The following SLC17A7 variants were observed in gnomAD, a reference collection of about 807,000 sequenced individuals.
The protein encoded by SLC17A7 is vesicular glutamate transporter 1.
SLC17A7 carries 15 observed loss-of-function variants against 59.1 expected under a neutral mutation model. The observed-to-expected ratio is 0.25, with a 90% CI of 0.17 to 0.39. The LOEUF is 0.39. Ranked by LOEUF, SLC17A7 falls within the 10% of genes least tolerant of loss-of-function variation. The probability of loss-of-function intolerance (pLI) is 1.00; values close to 1 mark genes in which losing one functional copy is unlikely to be tolerated. For synonymous variants in SLC17A7, 353 were observed against 308.9 expected (o/e 1.14, Z -1.50); for missense variants, 499 against 765.1 (o/e 0.65, Z 4.10).
chr19:49,434,185 T>G, intron 5 of SLC17A7, 139 bp from the exon 6 acceptor site: 1 of 611,518 alleles, frequency 1.6e-6, no homozygotes, highest in African/African-American at 2.1e-5. Flanking sequence ...AATCCAGGCC[T>G]AGCCCCTCCT....
At chr19:49,437,015 C>G (rs1052443513) in intron 1 of SLC17A7, 3 of 654,450 alleles carry the variant, frequency 4.6e-6, no homozygotes, top group Non-Finnish European at 7.7e-6. Flanking sequence ...CCCCCAGCCC[C>G]CTCCTTCTTC....
Position 49,433,130 on chromosome 19 carries a change from G to A in SLC17A7, c.868-170C>T. 3 of 687,668 alleles carry A rather than the reference G, an allele frequency of 4.4e-6. No individual in the cohort carries two copies. Among genetic ancestry groups the A allele is most frequent in the Non-Finnish European group, 7.3e-6 (3 of 411,302 alleles). The allele number at this position is 687,668 out of a possible 1,614,324, so 42.6% of individuals were successfully genotyped here. A position where few individuals can be genotyped will look rare whatever the true frequency, so the allele number is the denominator to read the frequency against. ...CACCATGTTGCCGTGGGGACCCAGG[G>A]ATCCTAGCCTCAAGGTGACACTTGA... On this transcript the variant is annotated intron_variant, in intron 7 of 11. Transcript: ENST00000221485. This position sits in a 1 kb window ranked among gnomAD's most constrained non-coding sequence, Gnocchi z 5.7.
Position 49,431,782 on chromosome 19 carries a change from GTTTTT to G in SLC17A7, c.1151-339_1151-335del, listed in dbSNP as rs70954427. 4.6e-4 allele frequency among the ~76,000 whole-genome samples: 68 copies of G among 148,716 alleles called. 1 individual carries two copies. Among genetic ancestry groups the G allele is most frequent in the South Asian group, 8.5e-4 (4 of 4,718 alleles). On this transcript the variant is annotated intron_variant, in intron 9 of 11. Coordinates refer to ENST00000221485, the MANE Select transcript of SLC17A7 (RefSeq NM_020309.4). This position sits in a 1 kb window ranked among gnomAD's most constrained non-coding sequence, Gnocchi z 4.6. ...CTCAATCCCCACTCATGAGTTTTTG[GTTTTT>G]TTTTTTTTTAATTTTTGATTTTTTA...
chr19:49,430,986 G>A (rs371139022), intron 11 of SLC17A7, 29 bp downstream of exon 11: 15 of 1,589,778 alleles, frequency 9.4e-6, no homozygotes, highest in Admixed American at 1.7e-5. Context: ...ACACTTGGAG[G>A]CAGACTGAGT....
At position 49,436,407 on chromosome 19, in the gene SLC17A7, C is replaced by T; in HGVS notation, c.315+142G>A. 1 of 1,138,154 alleles carries T rather than the reference C, an allele frequency of 8.8e-7. No individual in the cohort carries two copies. Among genetic ancestry groups the T allele is most frequent in the South Asian group, 1.5e-5 (1 of 67,668 alleles). 70.5% of individuals were successfully genotyped at this position (1,138,154 alleles called of 1,614,324 possible). A position where few individuals can be genotyped will look rare whatever the true frequency, so the allele number is the denominator to read the frequency against. ...AAGGCGAGGTCAGAACTAAGGGGCG[C>T]ACGGATTGGGCGGAGCTATTCCGAC... is the stretch of plus-strand genomic sequence containing the variant. On this transcript the variant is annotated intron_variant, in intron 2 of 11. Transcript: ENST00000221485. This position sits in a 1 kb window ranked among gnomAD's most constrained non-coding sequence, Gnocchi z 4.1.
chr19:49,437,714 GC>G (rs1640477202), intron 1 of SLC17A7: 2 of 150,734 alleles, frequency 1.3e-5, no homozygotes, highest in South Asian at 2.1e-4. Flanking sequence ...TAACAAGGGA[GC>G]AGAGACCCAG....
rs774731267 is a variant in SLC17A7, at chr19:49,434,613, G to A, written c.626C>T (p.Thr209Ile). The A allele has an allele frequency of 1.3e-5, 21 of 1,601,930 alleles. No homozygotes were observed. In the East Asian group the frequency reaches 4.7e-4, roughly 36 times the overall value. The change falls in exon 5 of 12, where the codon ACA becomes ATA. Residue 209 changes from threonine to isoleucine, a missense_variant. By Grantham distance (89) the Thr-to-Ile change is moderately conservative. Coordinates refer to ENST00000221485, the MANE Select transcript of SLC17A7 (RefSeq NM_020309.4). ...PPLERSRLAT[T>I]AFCGSYAGAV... ...CCTCTTCCTCTCACCACAAAAGGCTGTCGTCGCCAGGCGACTCCGTTCTAA... is the reference window on the plus strand; with the variant it reads ...CCTCTTCCTCTCACCACAAAAGGCTATCGTCGCCAGGCGACTCCGTTCTAA...
rs1454368283 is a variant in SLC17A7 at position 49,436,692 on chromosome 19, C to T, written c.172G>A (p.Gly58Ser). Reference protein sequence around the residue: ...DPPVVDCTCFGLPRRYIIAIM... With the variant: ...DPPVVDCTCFSLPRRYIIAIM... ...GCGATAATGTAGCGGCGAGGGAGGC[C>T]GAAGCAGGTGCAGTCCACCACCGGC... Residue 58 changes from glycine to serine, a missense_variant, in exon 2 of 12, where the codon GGC (glycine) becomes AGC (serine). By Grantham distance (56) the Gly-to-Ser change is moderately conservative. Around this residue, in one of 3 missense-constraint regions of SLC17A7, gnomAD observed 78 missense variants for 80.4 expected, o/e 0.97. Transcript: ENST00000221485. The surrounding 1 kb of genome is among the most constrained non-coding windows in gnomAD (Gnocchi z 4.1). 1 of 1,613,748 alleles carries T rather than the reference C, an allele frequency of 6.2e-7. No homozygotes were observed. Among genetic ancestry groups the T allele is most frequent in the Non-Finnish European group, 8.5e-7 (1 of 1,179,960 alleles).
intron 1 of SLC17A7, among the ~76,000 whole-genome samples, chr19:49,440,892 G>A (rs2078997526): frequency 6.6e-6 from 1 of 151,982 alleles, no homozygotes; most frequent in African/African-American, 2.4e-5. Context: ...AGAGAGAGGG[G>A]CACAGAGACG....
At chr19:49,438,573 G>C (rs867452643) in intron 1 of SLC17A7, among the ~76,000 whole-genome samples, 12 of 152,100 alleles carry the variant, frequency 7.9e-5, no homozygotes, top group Middle Eastern at 3.4e-3. Flanking sequence ...GGTGGGGAGG[G>C]GCAGTTAAGA....
intron 1 of SLC17A7, chr19:49,437,435 C>G (rs2078983920): frequency 6.5e-6 from 1 of 154,460 alleles, no homozygotes; most frequent in Admixed American, 6.3e-5. Flanking sequence ...GTGACTCTCG[C>G]CCCCGCCCGT....
At position 49,434,978 on chromosome 19, in the gene SLC17A7, G is replaced by C. The variant is rs900689591; in HGVS notation, c.435-96C>G. ...CAGCAAGCTAGGCCCAGTGGTCCCC[G>C]GGACCCCAGGTCCCACCACCTCTCT... On this transcript the variant is annotated intron_variant, in intron 3 of 11. Transcript: ENST00000221485. The C allele has an allele frequency of 2.4e-6, 3 of 1,241,846 alleles. No individual in the cohort carries two copies. In the East Asian group the frequency reaches 7.0e-5, roughly 29 times the overall value. The allele number at this position is 1,241,846 out of a possible 1,614,324, so 76.9% of individuals were successfully genotyped here.
intron 1 of SLC17A7, chr19:49,437,861 C>T (rs1293083165): frequency 8.0e-6 from 1 of 125,728 alleles, no homozygotes; most frequent in African/African-American, 3.2e-5. Flanking sequence ...GGAACAGAGA[C>T]CCAGATAGAG....
Position 49,429,841 on chromosome 19 carries a change from A to C in SLC17A7, c.*678T>G. 1 of 344,080 alleles carries C rather than the reference A, an allele frequency of 2.9e-6. No individual in the cohort carries two copies. The highest frequency in any genetic ancestry group is 7.4e-4 in the Middle Eastern group (1 of 1,344). 21.3% of individuals were successfully genotyped at this position (344,080 alleles called of 1,614,324 possible). ...ACGGGGGTAGAGAGGCATATTGTTAAAATTGCGATTTTGGTTGTTTCCCCA... is the reference window on the plus strand; with the variant it reads ...ACGGGGGTAGAGAGGCATATTGTTACAATTGCGATTTTGGTTGTTTCCCCA... On this transcript the variant is annotated 3_prime_UTR_variant, in exon 12 of 12. Transcript: ENST00000221485.
At chr19:49,439,311 C>G (rs11671544) in intron 1 of SLC17A7, among the ~76,000 whole-genome samples, 72,873 of 151,868 alleles carry the variant, frequency 0.48, 18,283 homozygotes, top group South Asian at 0.57. Flanking sequence ...AAGTGGCACT[C>G]CAAGGTCACA....
chr19:49,436,195 T>C lies in SLC17A7; in HGVS notation c.315+354A>G. The C allele has an allele frequency of 3.4e-6, 1 of 292,356 alleles. No homozygotes were observed. The highest frequency in any genetic ancestry group is 5.8e-5 in the South Asian group (1 of 17,142). 18.1% of individuals were successfully genotyped at this position (292,356 alleles called of 1,614,324 possible). A position where few individuals can be genotyped will look rare whatever the true frequency, so the allele number is the denominator to read the frequency against. On this transcript the variant is annotated intron_variant, in intron 2 of 11. Coordinates refer to ENST00000221485, the MANE Select transcript of SLC17A7 (RefSeq NM_020309.4). This position sits in a 1 kb window ranked among gnomAD's most constrained non-coding sequence, Gnocchi z 4.1. ...AGATGGGACTGAGATTAAATAGATG[T>C]GACCCGGGGACATGAGCTTGGGGTA... is the stretch of plus-strand genomic sequence containing the variant.
Position 49,431,327 on chromosome 19 carries a change from G to C in SLC17A7, c.1261+11C>G, listed in dbSNP as rs751899755. 2 of 1,613,170 alleles carry C rather than the reference G, an allele frequency of 1.2e-6. No individual in the cohort carries two copies. Among genetic ancestry groups the C allele is most frequent in the Non-Finnish European group, 1.7e-6 (2 of 1,179,402 alleles). On this transcript the variant is annotated intron_variant, in intron 10 of 11. Coordinates refer to ENST00000221485, the MANE Select transcript of SLC17A7 (RefSeq NM_020309.4). The surrounding 1 kb of genome is among the most constrained non-coding windows in gnomAD (Gnocchi z 4.6). ...CCAGAGTCCCCCAAGCTGCGGATCC[G>C]CGGTTCTCACCAGAGATGGCGAAGC...
At chr19:49,441,168 C>A in intron 1 of SLC17A7, 150 bp downstream of exon 1, 5 of 1,455,958 alleles carry the variant, frequency 3.4e-6, no homozygotes, top group Non-Finnish European at 3.7e-6. Flanking sequence ...GGGAGAACAG[C>A]GCCGTCGGAG....
chr19:49,432,568 G>C lies in SLC17A7; in HGVS notation c.1101C>G (p.Ser367Arg). ...CGTTGGTGGTGGACATGATGCGGCGGCTCCGCAGGAAGTCCGCGATCTGGC... is the reference window on the plus strand; with the variant it reads ...CGTTGGTGGTGGACATGATGCGGCGCCTCCGCAGGAAGTCCGCGATCTGGC... ...IGGQIADFLRSRRIMSTTNVR... is the reference protein window; with the variant it reads ...IGGQIADFLRRRRIMSTTNVR... Residue 367 changes from serine to arginine, a missense_variant, in exon 9 of 12, where the codon AGC (serine) becomes AGG (arginine). By Grantham distance (110) the Ser-to-Arg change is moderately radical. This residue lies in a region of SLC17A7 where 323 missense variants were observed against 607.2 expected (regional missense o/e 0.53). Transcript: ENST00000221485. The C allele has an allele frequency of 6.2e-7, 1 of 1,611,030 alleles. No individual in the cohort carries two copies. The highest frequency in any genetic ancestry group is 8.5e-7 in the Non-Finnish European group (1 of 1,179,198).
Sources: allele counts gnomAD v4.1 joint callset (sites outside exome capture counted in the v4.1 genomes callset), GRCh38; gene constraint gnomAD v4.1.1; regional missense constraint gnomAD v4.1.1; non-coding constraint Gnocchi (gnomAD v3.1); transcripts MANE v1.5; gene names NCBI Gene and HGNC (gene_info 2026-07-23, HGNC 2026-07-21).